The following THSD7B variants were observed in gnomAD, a reference collection of about 807,000 sequenced individuals.
THSD7B encodes the protein thrombospondin type-1 domain-containing protein 7B.
In THSD7B, 138 loss-of-function variants were observed where a neutral mutation model predicts 213.6. The observed-to-expected ratio is 0.65, with a 90% CI of 0.56 to 0.74. The LOEUF (loss-of-function observed/expected upper bound fraction) is 0.74. Among genes scored for constraint, THSD7B ranks in the 30% least tolerant of loss-of-function variants. The probability of loss-of-function intolerance (pLI) is 0.00; values close to 1 mark genes in which losing one functional copy is unlikely to be tolerated. For missense variants in THSD7B, 1,931 were observed against 1,991.5 expected, an observed-to-expected ratio of 0.97 and a Z score of 0.58; for synonymous variants, 742 against 687.0, an observed-to-expected ratio of 1.08 and a Z score of -1.25.
rs190939383 is a variant in THSD7B, at chr2:137,371,571, A to G, written c.2501-34042A>G. Among the ~76,000 whole-genome samples the G allele has an allele frequency of 3.6e-3, 550 of 152,270 alleles. 3 individuals are homozygous for G. Among genetic ancestry groups the G allele is most frequent in the African/African-American group, 0.012 (516 of 41,568 alleles). Reference sequence around the variant, plus strand: ...TTTGGAAAAATATATTCTTGAAATTAGTTTGAATAATTTTTTAATGATTTC... The same window carrying G: ...TTTGGAAAAATATATTCTTGAAATTGGTTTGAATAATTTTTTAATGATTTC... On this transcript the variant is annotated intron_variant, in intron 12 of 27. Transcript: ENST00000409968.
intron 10 of THSD7B, among the ~76,000 whole-genome samples, chr2:137,257,088 G>A (rs1047785049): frequency 2.0e-5 from 3 of 152,216 alleles, no homozygotes; most frequent in African/African-American, 7.2e-5. Context: ...CCCGTGATCC[G>A]TAATCCCATT....
intron 1 of THSD7B, among the ~76,000 whole-genome samples, chr2:136,781,267 ATTT>A (rs10687137): frequency 7.9e-6 from 1 of 125,794 alleles, no homozygotes. Flanking sequence ...TACCAGTTCT[ATTT>A]TTTTTTTTTT....
chr2:136,898,893 G>A (rs1045194174), intron 2 of THSD7B, among the ~76,000 whole-genome samples: 11 of 151,192 alleles, frequency 7.3e-5, no homozygotes, highest in East Asian at 5.9e-4. Flanking sequence ...TGCCCACCTC[G>A]GCCTCCCAAA....
chr2:137,081,316 A>G (rs541586090), intron 3 of THSD7B, among the ~76,000 whole-genome samples: 74 of 152,216 alleles, frequency 4.9e-4, no homozygotes, highest in Middle Eastern at 3.4e-3. Flanking sequence ...AATTTTCTTC[A>G]TATAAAATAT....
intron 12 of THSD7B, among the ~76,000 whole-genome samples, chr2:137,390,426 GT>G (rs1387667726): frequency 1.3e-5 from 2 of 152,060 alleles, no homozygotes; most frequent in African/African-American, 4.8e-5. Flanking sequence ...TCAGATCTAA[GT>G]TTTTTAAATG....
At position 137,424,859 on chromosome 2, in the gene THSD7B, C is replaced by T. The variant is rs374357836; in HGVS notation, c.2959+12987C>T. ...GGCCGAGGGAGGCAGATCACAAAGT[C>T]GGCAGATCGAGACCATCCTGGCTAA... On this transcript the variant is annotated intron_variant, in intron 14 of 27. Transcript: ENST00000409968. Among the ~76,000 whole-genome samples, 36 of 152,024 alleles carry T rather than the reference C, an allele frequency of 2.4e-4. No individual in the cohort carries two copies. In the South Asian group the frequency reaches 5.4e-3, roughly 23 times the overall value.
At chr2:137,613,409 T>G (rs1156531223) in intron 17 of THSD7B, among the ~76,000 whole-genome samples, 2 of 152,160 alleles carry the variant, frequency 1.3e-5, no homozygotes, top group African/African-American at 4.8e-5. Flanking sequence ...AGTATTTAAA[T>G]CAGGCAAAAG....
At chr2:137,090,963 A>C (rs1687938328) in intron 3 of THSD7B, among the ~76,000 whole-genome samples, 1 of 152,190 alleles carries the variant, frequency 6.6e-6, no homozygotes, top group African/African-American at 2.4e-5. Context: ...TGCTCCTTTT[A>C]CTGTTCCAGA....
chr2:137,307,170 T>A (rs1683770054), intron 12 of THSD7B, among the ~76,000 whole-genome samples: 1 of 152,126 alleles, frequency 6.6e-6, no homozygotes, highest in African/African-American at 2.4e-5. Context: ...GGTCAGCAGC[T>A]CTTTCAGTTC....
At chr2:137,378,219 A>G (rs895245035) in intron 12 of THSD7B, among the ~76,000 whole-genome samples, 3 of 152,212 alleles carry the variant, frequency 2.0e-5, no homozygotes, top group East Asian at 1.9e-4. Flanking sequence ...GATTGCTGAC[A>G]ATGTCTTAAA....
intron 16 of THSD7B, among the ~76,000 whole-genome samples, chr2:137,569,636 G>A (rs1046155127): frequency 6.6e-6 from 1 of 152,010 alleles, no homozygotes; most frequent in Non-Finnish European, 1.5e-5. Context: ...TTTGTTCTGT[G>A]TTGTAAATTG....
chr2:137,652,672 T>TGA, intron 21 of THSD7B, among the ~76,000 whole-genome samples: 1 of 152,158 alleles, frequency 6.6e-6, no homozygotes, highest in Admixed American at 6.5e-5. Context: ...TTTTCTCTGG[T>TGA]AGTATGTTTT....
At chr2:137,356,955 C>CACACACACAG (rs1558768277) in intron 12 of THSD7B, among the ~76,000 whole-genome samples, 10 of 116,010 alleles carry the variant, frequency 8.6e-5, no homozygotes, top group African/African-American at 3.1e-4. Flanking sequence ...CATACACACA[C>CACACACACAG]ACACACACAC....
intron 2 of THSD7B, among the ~76,000 whole-genome samples, chr2:136,890,303 C>CCTCCTCCTCTTCTTCTT (rs1553455794): frequency 5.8e-4 from 3 of 5,162 alleles, no homozygotes; most frequent in African/African-American, 1.7e-3. Context: ...ATGTCCTACT[C>CCTCCTCCTCTTCTTCTT]CTTCTTCTTC....
chr2:137,363,056 C>A (rs1480429705), intron 12 of THSD7B, among the ~76,000 whole-genome samples: 1 of 152,176 alleles, frequency 6.6e-6, no homozygotes, highest in Non-Finnish European at 1.5e-5. Flanking sequence ...ACAGTGCAAT[C>A]AAATTAGAAC....
At chr2:136,999,908 G>A (rs1266977401) in intron 2 of THSD7B, among the ~76,000 whole-genome samples, 2 of 152,174 alleles carry the variant, frequency 1.3e-5, no homozygotes, top group Non-Finnish European at 2.9e-5. Context: ...TGGATGGAGA[G>A]CAGTTAGGGT....
At chr2:137,103,207 G>A (rs1688182922) in intron 4 of THSD7B, among the ~76,000 whole-genome samples, 1 of 151,528 alleles carries the variant, frequency 6.6e-6, no homozygotes, top group Admixed American at 6.6e-5. Flanking sequence ...AACCCTACAA[G>A]CTAGAAGAGA....
At chr2:137,460,292 A>G (rs1336707121) in intron 15 of THSD7B, among the ~76,000 whole-genome samples, 1 of 152,156 alleles carries the variant, frequency 6.6e-6, no homozygotes, top group African/African-American at 2.4e-5. Context: ...TAAGCTTATT[A>G]TGATTATTAA....
intron 5 of THSD7B, among the ~76,000 whole-genome samples, chr2:137,118,903 G>A (rs1052826037): frequency 6.6e-6 from 1 of 152,146 alleles, no homozygotes; most frequent in Non-Finnish European, 1.5e-5. Context: ...CAGCAGACAA[G>A]AAAGAATGAG....
Sources: gnomAD v4.1 joint callset for allele counts (sites outside exome capture counted in the v4.1 genomes callset) on GRCh38, gnomAD v4.1.1 for gene constraint, MANE v1.5 for transcripts, NCBI Gene and HGNC (gene_info 2026-07-23, HGNC 2026-07-21) for gene names.